TUBGCP4: variants seen among roughly 807,000 people sequenced by gnomAD.
The protein encoded by TUBGCP4 is tubulin gamma complex component 4, also known as gamma-tubulin complex component 4.
TUBGCP4 carries 54 observed loss-of-function variants against 91.6 expected under a neutral mutation model. The ratio of observed to expected loss-of-function variants is 0.59; its 90% confidence interval spans 0.47 to 0.74. The LOEUF is 0.74. TUBGCP4 is among the 30% of genes least tolerant of loss of function. The pLI is 0.00. For missense variants in TUBGCP4, 593 were observed against 800.9 expected (o/e 0.74, Z 3.13); for synonymous variants, 297 against 302.8 (o/e 0.98, Z 0.20).
intron 11 of TUBGCP4, 28 bp downstream of exon 11, chr15:43,395,716 C>G: frequency 6.4e-7 from 1 of 1,563,712 alleles, no homozygotes; most frequent in Non-Finnish European, 8.8e-7. Flanking sequence ...TGAGAATGAT[C>G]AACTGATTGA....
intron 6 of TUBGCP4, among the ~76,000 whole-genome samples, chr15:43,383,009 A>C (rs915200186): frequency 3.3e-5 from 5 of 152,180 alleles, no homozygotes; most frequent in African/African-American, 1.2e-4. Context: ...ATTGCTATAA[A>C]ACAGTTGTAC....
Position 43,377,987 on chromosome 15 carries a change from G to T in TUBGCP4, c.441+84G>T. On this transcript the variant is annotated intron_variant, in intron 5 of 17. Coordinates refer to ENST00000564079, the MANE Select transcript of TUBGCP4 (RefSeq NM_014444.5). ...ATTTTGCTTTACATTATTTTTCGAA[G>T]ACCCTAGTTTTTAGTAGTTTTTATT... The T allele has an allele frequency of 2.8e-6, 3 of 1,090,898 alleles. 1 individual carries two copies. The South Asian group carries it at 4.5e-5, about 16-fold the overall frequency. 67.6% of individuals were successfully genotyped at this position (1,090,898 alleles called of 1,614,324 possible).
At chr15:43,373,179 T>G (rs1215554628) in intron 1 of TUBGCP4, among the ~76,000 whole-genome samples, 5 of 152,240 alleles carry the variant, frequency 3.3e-5, no homozygotes, top group Non-Finnish European at 1.5e-5. Flanking sequence ...TAAAATCAAA[T>G]ATTTTTATAA....
rs1208820760 is a variant in TUBGCP4 at position 43,392,190 on chromosome 15, G to GT, written c.1015-2906dup. On this transcript the variant is annotated intron_variant, in intron 9 of 17. Coordinates refer to ENST00000564079, the MANE Select transcript of TUBGCP4 (RefSeq NM_014444.5). ...TTTCTTTATTAGTTTCTTCCTTCGT[G>GT]TTTTTTTTTTTACTCTTTCCCAGGT... is the stretch of plus-strand genomic sequence containing the variant. Among the ~76,000 whole-genome samples the GT allele has an allele frequency of 2.5e-3, 333 of 133,390 alleles. 2 individuals are homozygous for GT. The highest frequency in any genetic ancestry group is 7.5e-3 in the African/African-American group (271 of 36,218). The allele number at this position is 133,390 out of a possible 152,430, so 87.5% of individuals were successfully genotyped here.
At position 43,408,129 on chromosome 15, in the gene TUBGCP4, TATCCAACA is replaced by T. The variant is rs749963265; in HGVS notation, c.*2917_*2924del. ...GAAAGGACCTTAGCATGACAAGTAA[TATCCAACA>T]AACTGCCTTTCTGCAAAGGGACTCA... On this transcript the variant is annotated 3_prime_UTR_variant, in exon 18 of 18. Coordinates refer to ENST00000564079, the MANE Select transcript of TUBGCP4 (RefSeq NM_014444.5). 15 of 1,595,782 alleles carry T rather than the reference TATCCAACA, an allele frequency of 9.4e-6. No individual in the cohort carries two copies. In the South Asian group the frequency reaches 1.6e-4, roughly 17 times the overall value.
At chr15:43,404,654 AT>A in intron 17 of TUBGCP4, 102 bp downstream of exon 17, 1 of 1,263,632 alleles carries the variant, frequency 7.9e-7, no homozygotes, top group Non-Finnish European at 1.1e-6. Context: ...AAATACCCTC[AT>A]TTTATAAGTA....
At chr15:43,380,195 G>A (rs1049238679) in intron 6 of TUBGCP4, 32 bp downstream of exon 6, 3 of 1,564,562 alleles carry the variant, frequency 1.9e-6, no homozygotes, top group African/African-American at 2.7e-5. Flanking sequence ...AATTGGTGGT[G>A]GAGGTGGGTG....
intron 9 of TUBGCP4, among the ~76,000 whole-genome samples, chr15:43,392,655 C>T (rs1281499080): frequency 2.6e-5 from 4 of 152,096 alleles, no homozygotes; most frequent in Non-Finnish European, 5.9e-5. Context: ...TGTGCCACTA[C>T]GCCCGGCTAA....
chr15:43,403,769 T>TG lies in TUBGCP4; in HGVS notation c.1820dup (p.Ala608SerfsTer12). 6.2e-7 allele frequency: 1 copy of TG among 1,613,930 alleles called. No individual in the cohort carries two copies. The highest frequency in any genetic ancestry group is 8.5e-7 in the Non-Finnish European group (1 of 1,179,964). Reference sequence around the variant, plus strand: ...AGAACCTAGGCCCACTGGATGAGCGTGGAGCCGCCCAGCTGAGCATTCTCG... The same window carrying TG: ...AGAACCTAGGCCCACTGGATGAGCGTGGGAGCCGCCCAGCTGAGCATTCTCG... On this transcript the variant is annotated frameshift_variant, in exon 16 of 18. Coordinates refer to ENST00000564079, the MANE Select transcript of TUBGCP4 (RefSeq NM_014444.5). LOFTEE classifies it high-confidence loss of function.
intron 9 of TUBGCP4, among the ~76,000 whole-genome samples, chr15:43,392,868 T>C (rs2044500656): frequency 1.3e-5 from 2 of 152,166 alleles, no homozygotes; most frequent in South Asian, 4.1e-4. Context: ...TTTCAAATCA[T>C]ATTTACCTGA....
chr15:43,385,868 C>A lies in TUBGCP4; in HGVS notation c.801C>A (p.Tyr267Ter). The change falls in exon 8 of 18, where the codon TAC becomes TAA. Residue 267 changes from tyrosine (Y) to a stop codon, truncating the protein, a stop_gained. Coordinates refer to ENST00000564079, the MANE Select transcript of TUBGCP4 (RefSeq NM_014444.5). LOFTEE classifies it high-confidence loss of function. ...FSLRVEILPS[Y>*]IPVRVAEKIL... is the part of the protein sequence containing the mutation. ...TACGAGTGGAGATTTTGCCATCCTACATTCCAGTGAGGGTTGCTGAAAAAA... is the reference window on the plus strand; with the variant it reads ...TACGAGTGGAGATTTTGCCATCCTAAATTCCAGTGAGGGTTGCTGAAAAAA... The A allele has an allele frequency of 1.2e-6, 2 of 1,614,146 alleles. No homozygotes were observed. The highest frequency in any genetic ancestry group is 1.7e-6 in the Non-Finnish European group (2 of 1,180,020).
rs1457707022 is a variant in TUBGCP4 at position 43,404,982 on chromosome 15, G to A, written c.1989-220G>A. 5.4e-6 allele frequency: 3 copies of A among 559,824 alleles called. No homozygotes were observed. The African/African-American group carries it at 5.8e-5, about 11-fold the overall frequency. 34.7% of individuals were successfully genotyped at this position (559,824 alleles called of 1,614,324 possible). A position where few individuals can be genotyped will look rare whatever the true frequency, so the allele number is the denominator to read the frequency against. On this transcript the variant is annotated intron_variant, in intron 17 of 17. Coordinates refer to ENST00000564079, the MANE Select transcript of TUBGCP4 (RefSeq NM_014444.5). ...AGATTCAGTGGTAGCTGGCTTCCCA[G>A]AGGTCTGTCATTCCCATTCAGAAAA...
Position 43,408,744 on chromosome 15 carries a change from A to T in TUBGCP4, c.*3530A>T. The T allele has an allele frequency of 1.4e-6, 1 of 709,404 alleles. No individual in the cohort carries two copies. The highest frequency in any genetic ancestry group is 2.3e-6 in the Non-Finnish European group (1 of 431,314). The allele number at this position is 709,404 out of a possible 1,614,324, so 43.9% of individuals were successfully genotyped here. A position where few individuals can be genotyped will look rare whatever the true frequency, so the allele number is the denominator to read the frequency against. ...CCAATGTAACCTAGGGAAATAAACT[A>T]GATAAACTCCTGAAGTCATTTCAAA... On this transcript the variant is annotated 3_prime_UTR_variant, in exon 18 of 18. Transcript: ENST00000564079.
intron 4 of TUBGCP4, 192 bp from the exon 5 acceptor site, chr15:43,377,655 C>A: frequency 2.0e-6 from 1 of 510,450 alleles, no homozygotes. Context: ...GAAACTGCCT[C>A]TCTCTGCCAT....
In TUBGCP4 at chr15:43,386,344, CGTATATATATATATATATATATATAT is replaced by C; in HGVS notation, c.1014+15_1014+40del. On this transcript the variant is annotated intron_variant, in intron 9 of 17. Transcript: ENST00000564079. ...ACTGTGGCTGAGGTTTGTGTTTCATCGTATATATATATATATATATATATATATATATATTTTTTTTTTTTTTTTTT... is the reference window on the plus strand; with the variant it reads ...ACTGTGGCTGAGGTTTGTGTTTCATCATATATATTTTTTTTTTTTTTTTTT... 1 of 243,226 alleles carries C rather than the reference CGTATATATATATATATATATATATAT, an allele frequency of 4.1e-6. No homozygotes were observed. Among genetic ancestry groups the C allele is most frequent in the Non-Finnish European group, 6.6e-6 (1 of 151,016 alleles). The allele number at this position is 243,226 out of a possible 1,614,324, so 15.1% of individuals were successfully genotyped here.
intron 17 of TUBGCP4, 57 bp from the exon 18 acceptor site, chr15:43,405,145 T>A: frequency 6.3e-7 from 1 of 1,595,898 alleles, no homozygotes; most frequent in East Asian, 2.2e-5. Flanking sequence ...TCATATTTCT[T>A]TGAAGGTAGT....
Position 43,394,795 on chromosome 15 carries a change from G to A in TUBGCP4, c.1015-312G>A, listed in dbSNP as rs1015594086. 2.6e-4 allele frequency: 97 copies of A among 375,600 alleles called. 2 individuals are homozygous for A. The Middle Eastern group carries it at 3.3e-3, about 13-fold the overall frequency. The allele number at this position is 375,600 out of a possible 1,614,324, so 23.3% of individuals were successfully genotyped here. A position where few individuals can be genotyped will look rare whatever the true frequency, so the allele number is the denominator to read the frequency against. ...TGCTCCTATTCCTGCCATGTGAGACGCCTTTGCCTTCTGCCATGATTGTAA... is the reference window on the plus strand; with the variant it reads ...TGCTCCTATTCCTGCCATGTGAGACACCTTTGCCTTCTGCCATGATTGTAA... On this transcript the variant is annotated intron_variant, in intron 9 of 17. Coordinates refer to ENST00000564079, the MANE Select transcript of TUBGCP4 (RefSeq NM_014444.5).
chr15:43,405,220 T>G lies in TUBGCP4; in HGVS notation c.*6T>G, dbSNP rs924219339. The G allele has an allele frequency of 6.2e-7, 1 of 1,614,162 alleles. No individual in the cohort carries two copies. Among genetic ancestry groups the G allele is most frequent in the Non-Finnish European group, 8.5e-7 (1 of 1,179,998 alleles). ...TTTGTAGTTTCGGGATGTGAAAATT[T>G]CTGGCTCATAAATTGAAATAACAGC... is the stretch of plus-strand genomic sequence containing the variant. On this transcript the variant is annotated 3_prime_UTR_variant, in exon 18 of 18. Transcript: ENST00000564079.
intron 11 of TUBGCP4, among the ~76,000 whole-genome samples, chr15:43,396,067 G>A (rs560186017): frequency 2.0e-5 from 3 of 152,292 alleles, no homozygotes; most frequent in African/African-American, 7.2e-5. Flanking sequence ...AAATGGATTT[G>A]CTATTGTATC....
Sources: gnomAD v4.1 joint callset for allele counts (sites outside exome capture counted in the v4.1 genomes callset) on GRCh38, gnomAD v4.1.1 for gene constraint, MANE v1.5 for transcripts, NCBI Gene and HGNC (gene_info 2026-07-23, HGNC 2026-07-21) for gene names.